Variants in RAB3B observed in about 807,000 individuals in gnomAD.
The protein encoded by RAB3B is ras-related protein Rab-3B.
Under a neutral mutation model 20.5 loss-of-function variants are expected in RAB3B, and 11 were observed. The ratio of observed to expected loss-of-function variants is 0.54; its 90% CI spans 0.34 to 0.89. RAB3B has a LOEUF of 0.89. Ranked by LOEUF, RAB3B falls within the 40% of genes least tolerant of loss-of-function variation. The probability of loss-of-function intolerance (pLI) is 0.02; values close to 1 mark genes in which losing one functional copy is unlikely to be tolerated. For synonymous variants in RAB3B, 99 were observed against 106.3 expected (o/e 0.93, Z 0.42); for missense variants, 225 against 280.9 (o/e 0.80, Z 1.42).
rs377538581 is a variant in RAB3B, at chr1:51,925,887, A to G, written c.473-5773T>C. Among the ~76,000 whole-genome samples, 35 of 152,368 alleles carry G rather than the reference A, an allele frequency of 2.3e-4. No individual in the cohort carries two copies. In the East Asian group the frequency reaches 3.1e-3, roughly 13 times the overall value. On this transcript the variant is annotated intron_variant, in intron 4 of 4. Transcript: ENST00000371655. The stretch of plus-strand genomic sequence containing the variant: ...TATTGAGGAAACCCAGAGATTATCA[A>G]AAGCAAAAAATACTAGTATTAGAGC...
rs563184512 is a variant in RAB3B at position 51,914,186 on chromosome 1, C to T, written c.*5741G>A. On this transcript the variant is annotated 3_prime_UTR_variant, in exon 5 of 5. Coordinates refer to ENST00000371655, the MANE Select transcript of RAB3B (RefSeq NM_002867.4). ...AGCCAGGCAGTCTAACAATGTTTCA[C>T]AGGTAGAGATATTCTTTCTCCTATC... The T allele has an allele frequency of 1.3e-5, 2 of 152,318 alleles. No homozygotes were observed. The highest frequency in any genetic ancestry group is 3.9e-4 in the East Asian group (2 of 5,190). The allele number at this position is 152,318 out of a possible 1,614,324, so 9.4% of individuals were successfully genotyped here. A position where few individuals can be genotyped will look rare whatever the true frequency, so the allele number is the denominator to read the frequency against.
intron 2 of RAB3B, among the ~76,000 whole-genome samples, chr1:51,937,996 C>CTTTTTTTTTTTT (rs77664152): frequency 3.4e-5 from 3 of 88,714 alleles, no homozygotes; most frequent in Non-Finnish European, 6.9e-5. Flanking sequence ...ATTTTTGTTT[C>CTTTTTTTTTTTT]TTTTTTTTTT....
In RAB3B at chr1:51,919,724, T is replaced by C. The variant is rs971823272; in HGVS notation, c.*203A>G. The C allele has an allele frequency of 2.2e-5, 11 of 492,740 alleles. No homozygotes were observed. The highest frequency in any genetic ancestry group is 1.7e-4 in the South Asian group (4 of 22,892). 30.5% of individuals were successfully genotyped at this position (492,740 alleles called of 1,614,324 possible). A position where few individuals can be genotyped will look rare whatever the true frequency, so the allele number is the denominator to read the frequency against. On this transcript the variant is annotated 3_prime_UTR_variant, in exon 5 of 5. Transcript: ENST00000371655. ...TCTGCACCCGTGTAGTGACCTGTTA[T>C]GTTAGTCTAGTGCTGAGTATCTATT...
chr1:51,962,507 G>A (rs1398467062), intron 2 of RAB3B, among the ~76,000 whole-genome samples: 1 of 152,152 alleles, frequency 6.6e-6, no homozygotes, highest in African/African-American at 2.4e-5. Context: ...TCTGTCCTGG[G>A]ACCACCTGTC....
intron 4 of RAB3B, among the ~76,000 whole-genome samples, chr1:51,922,748 G>T (rs748095735): frequency 2.4e-4 from 36 of 151,718 alleles, no homozygotes; most frequent in Non-Finnish European, 4.4e-4. Context: ...CCAGGCTGGA[G>T]TGCAGTGGCA....
intron 1 of RAB3B, among the ~76,000 whole-genome samples, chr1:51,984,040 G>A (rs1399624260): frequency 2.0e-5 from 3 of 151,582 alleles, no homozygotes; most frequent in Admixed American, 2.0e-4. Flanking sequence ...TGAGGCGGGT[G>A]AATCACGAGG....
chr1:51,950,113 G>A (rs1345745484), intron 2 of RAB3B, among the ~76,000 whole-genome samples: 1 of 152,174 alleles, frequency 6.6e-6, no homozygotes, highest in Non-Finnish European at 1.5e-5. Context: ...ACTGGAAAAG[G>A]CAACATTTAA....
intron 2 of RAB3B, among the ~76,000 whole-genome samples, chr1:51,942,548 T>A (rs1684507976): frequency 6.6e-6 from 1 of 152,188 alleles, no homozygotes; most frequent in Non-Finnish European, 1.5e-5. Context: ...TACCACTTAC[T>A]CACTATGTGA....
At chr1:51,940,147 C>T (rs1684471214) in intron 2 of RAB3B, among the ~76,000 whole-genome samples, 2 of 152,216 alleles carry the variant, frequency 1.3e-5, no homozygotes, top group African/African-American at 2.4e-5. Context: ...CTCTCTCCTG[C>T]ACCCATTACA....
intron 2 of RAB3B, among the ~76,000 whole-genome samples, chr1:51,944,875 C>T (rs1684544235): frequency 6.6e-6 from 1 of 152,174 alleles, no homozygotes; most frequent in Non-Finnish European, 1.5e-5. Flanking sequence ...TTGGATAAAG[C>T]AGTAGCAAGG....
intron 4 of RAB3B, among the ~76,000 whole-genome samples, chr1:51,920,851 T>C (rs1462387168): frequency 6.6e-6 from 1 of 152,092 alleles, no homozygotes; most frequent in Admixed American, 6.6e-5. Context: ...TTTCCACCCA[T>C]AGCCACACTG....
chr1:51,930,023 A>C (rs1474288851), intron 4 of RAB3B, among the ~76,000 whole-genome samples: 2 of 152,224 alleles, frequency 1.3e-5, no homozygotes. Context: ...AGGAGAGATA[A>C]ACATGTAAAT....
At chr1:51,935,621 G>A (rs907175271) in intron 3 of RAB3B, among the ~76,000 whole-genome samples, 38 of 152,092 alleles carry the variant, frequency 2.5e-4, no homozygotes, top group African/African-American at 8.0e-4. Context: ...TAAAGTCACC[G>A]TGTTCCTGAG....
intron 4 of RAB3B, among the ~76,000 whole-genome samples, chr1:51,921,118 C>T (rs969183051): frequency 2.0e-5 from 3 of 152,204 alleles, no homozygotes; most frequent in African/African-American, 7.2e-5. Flanking sequence ...TCTTGGTCAG[C>T]TTGGTGGCAG....
intron 2 of RAB3B, among the ~76,000 whole-genome samples, chr1:51,952,761 C>A (rs1007636973): frequency 6.6e-6 from 1 of 151,896 alleles, no homozygotes; most frequent in African/African-American, 2.4e-5. Context: ...GTAATATAAC[C>A]TTTTTGTTGC....
At chr1:51,938,580 T>C (rs1175542052) in intron 2 of RAB3B, among the ~76,000 whole-genome samples, 1 of 152,108 alleles carries the variant, frequency 6.6e-6, no homozygotes, top group Non-Finnish European at 1.5e-5. Flanking sequence ...TAACTATATG[T>C]GCACAGAAAA....
At chr1:51,964,246 C>G (rs1279154814) in intron 2 of RAB3B, among the ~76,000 whole-genome samples, 1 of 152,154 alleles carries the variant, frequency 6.6e-6, no homozygotes, top group East Asian at 1.9e-4. Context: ...TATTCATAAC[C>G]TAGCAGCCAT....
At chr1:51,931,155 C>T (rs1226698928) in intron 4 of RAB3B, among the ~76,000 whole-genome samples, 1 of 152,084 alleles carries the variant, frequency 6.6e-6, no homozygotes, top group African/African-American at 2.4e-5. Flanking sequence ...CTTTGGGCAA[C>T]ACTACTCCAG....
intron 2 of RAB3B, among the ~76,000 whole-genome samples, chr1:51,976,529 C>T (rs1437222638): frequency 6.6e-6 from 1 of 152,106 alleles, no homozygotes; most frequent in African/African-American, 2.4e-5. Context: ...ATTACAATCC[C>T]CAAAGGAGAA....
Sources: allele counts gnomAD v4.1 joint callset (sites outside exome capture counted in the v4.1 genomes callset), GRCh38; gene constraint gnomAD v4.1.1; transcripts MANE v1.5; gene names NCBI Gene and HGNC (gene_info 2026-07-23, HGNC 2026-07-21).